The following ADGRL3 variants were observed in gnomAD, a reference collection of about 807,000 sequenced individuals.
The protein encoded by ADGRL3 is adhesion G protein-coupled receptor L3.
ADGRL3 carries 62 observed loss-of-function variants against 153.5 expected under a neutral mutation model. The ratio of observed to expected loss-of-function variants is 0.40; its 90% CI spans 0.33 to 0.50. The LOEUF (loss-of-function observed/expected upper bound fraction) is 0.50, where lower values mean the gene tolerates loss of function less well. Ranked by LOEUF, ADGRL3 falls within the 20% of genes least tolerant of loss-of-function variation. The pLI is 0.47. For missense variants in ADGRL3, 1,641 were observed against 1,859.4 expected (o/e 0.88, Z 2.16); for synonymous variants, 710 against 672.5 (o/e 1.06, Z -0.86).
intron 2 of ADGRL3, among the ~76,000 whole-genome samples, chr4:61,442,789 A>G (rs1204276535): frequency 6.6e-6 from 1 of 152,116 alleles, no homozygotes; most frequent in African/African-American, 2.4e-5. Flanking sequence ...AAGTTAAGAT[A>G]TGATTATGCA....
intron 17 of ADGRL3, among the ~76,000 whole-genome samples, chr4:61,967,541 T>A (rs2099011430): frequency 6.6e-6 from 1 of 152,214 alleles, no homozygotes; most frequent in Non-Finnish European, 1.5e-5. Context: ...TTGATTTTAC[T>A]GTGTAGCTTT....
chr4:61,860,304 C>A (rs1054198500), intron 9 of ADGRL3, among the ~76,000 whole-genome samples: 1 of 152,126 alleles, frequency 6.6e-6, no homozygotes, highest in African/African-American at 2.4e-5. Context: ...ATTTCTCCAT[C>A]CCCTCACGTC....
At chr4:61,779,243 G>A (rs948407268) in intron 8 of ADGRL3, among the ~76,000 whole-genome samples, 4 of 151,938 alleles carry the variant, frequency 2.6e-5, no homozygotes, top group Non-Finnish European at 4.4e-5. Flanking sequence ...ACACTTAACT[G>A]AATTTTTTTT....
At chr4:61,447,700 A>G (rs1437996306) in intron 2 of ADGRL3, among the ~76,000 whole-genome samples, 1 of 152,184 alleles carries the variant, frequency 6.6e-6, no homozygotes, top group Non-Finnish European at 1.5e-5. Flanking sequence ...ATCTGTTTGA[A>G]ACATGAGTTT....
intron 9 of ADGRL3, among the ~76,000 whole-genome samples, chr4:61,822,528 G>GTTTTTGTTATT (rs2097765339): frequency 6.6e-6 from 1 of 152,082 alleles, no homozygotes; most frequent in African/African-American, 2.4e-5. Context: ...TAAACTTAAT[G>GTTTTTGTTATT]CTAAAATGTA....
intron 4 of ADGRL3, among the ~76,000 whole-genome samples, chr4:61,519,528 T>G (rs532369010): frequency 1.4e-4 from 21 of 152,302 alleles, no homozygotes; most frequent in African/African-American, 4.3e-4. Flanking sequence ...TGAAAGTAAT[T>G]TTATCAAGGA....
intron 1 of ADGRL3, among the ~76,000 whole-genome samples, chr4:61,224,007 A>C (rs934524240): frequency 6.6e-6 from 1 of 152,110 alleles, no homozygotes; most frequent in African/African-American, 2.4e-5. Context: ...GTAAATTAGA[A>C]ATTTTTTGAA....
intron 13 of ADGRL3, among the ~76,000 whole-genome samples, chr4:61,917,400 T>G (rs1015556131): frequency 1.3e-5 from 2 of 152,248 alleles, no homozygotes; most frequent in Non-Finnish European, 2.9e-5. Context: ...TGTGCTGCCA[T>G]ATTAAGGTCA....
chr4:61,613,063 G>A (rs566035258), intron 5 of ADGRL3, among the ~76,000 whole-genome samples: 5 of 152,128 alleles, frequency 3.3e-5, no homozygotes, highest in South Asian at 2.1e-4. Flanking sequence ...GTGTTAAAGG[G>A]GTAAATTAGT....
chr4:61,463,661 A>C (rs996076279), intron 2 of ADGRL3, among the ~76,000 whole-genome samples: 17 of 152,166 alleles, frequency 1.1e-4, no homozygotes, highest in Non-Finnish European at 2.2e-4. Context: ...CAACACTCTA[A>C]AATTTTATCA....
At chr4:61,377,510 T>C (rs2096618002) in intron 1 of ADGRL3, among the ~76,000 whole-genome samples, 1 of 152,022 alleles carries the variant, frequency 6.6e-6, no homozygotes, top group South Asian at 2.1e-4. Flanking sequence ...ATTATATGTT[T>C]TTCAAGGAGG....
chr4:61,722,352 C>T (rs1250097473), intron 6 of ADGRL3, among the ~76,000 whole-genome samples: 4 of 151,920 alleles, frequency 2.6e-5, no homozygotes, highest in Admixed American at 2.0e-4. Context: ...TCATTTCATG[C>T]AAGAGAATAG....
chr4:61,757,659 C>G (rs1248028742), intron 8 of ADGRL3, among the ~76,000 whole-genome samples: 1 of 152,096 alleles, frequency 6.6e-6, no homozygotes, highest in South Asian at 2.1e-4. Context: ...TTGCCTTCTA[C>G]TAGCTTTTGA....
chr4:61,332,881 G>A (rs2095601654), intron 1 of ADGRL3, among the ~76,000 whole-genome samples: 1 of 152,070 alleles, frequency 6.6e-6, no homozygotes, highest in Non-Finnish European at 1.5e-5. Flanking sequence ...AGGCTCTGAC[G>A]ATTGGGTTGC....
At chr4:61,862,346 A>G (rs1352172395) in intron 9 of ADGRL3, among the ~76,000 whole-genome samples, 1 of 152,204 alleles carries the variant, frequency 6.6e-6, no homozygotes, top group Non-Finnish European at 1.5e-5. Flanking sequence ...ACAGAGCTGT[A>G]ACTATGACCA....
At chr4:61,376,639 T>G (rs988548768) in intron 1 of ADGRL3, among the ~76,000 whole-genome samples, 3 of 152,180 alleles carry the variant, frequency 2.0e-5, no homozygotes, top group South Asian at 2.1e-4. Context: ...AGATGTCTGT[T>G]CAAGCCTCCA....
chr4:61,961,001 C>A (rs1272523276), intron 17 of ADGRL3, among the ~76,000 whole-genome samples: 1 of 152,162 alleles, frequency 6.6e-6, no homozygotes, highest in Non-Finnish European at 1.5e-5. Context: ...AGCCACTGCA[C>A]CTGGCCTAGT....
At chr4:61,509,821 T>C (rs2098453643) in intron 3 of ADGRL3, among the ~76,000 whole-genome samples, 1 of 152,214 alleles carries the variant, frequency 6.6e-6, no homozygotes, top group Non-Finnish European at 1.5e-5. Flanking sequence ...GTTCTGGTTT[T>C]AGTTCTTTGA....
At chr4:61,607,872 A>G (rs2099038725) in intron 5 of ADGRL3, among the ~76,000 whole-genome samples, 1 of 152,230 alleles carries the variant, frequency 6.6e-6, no homozygotes, top group South Asian at 2.1e-4. Context: ...TTAAACTGTA[A>G]ACTAAATTCC....
Sources: allele counts gnomAD v4.1 joint callset (sites outside exome capture counted in the v4.1 genomes callset), GRCh38; gene constraint gnomAD v4.1.1; transcripts MANE v1.5; gene names NCBI Gene and HGNC (gene_info 2026-07-23, HGNC 2026-07-21).